Variants in FRMPD4 observed in about 807,000 individuals in gnomAD.
FRMPD4 encodes FERM and PDZ domain containing 4, also known as FERM and PDZ domain-containing protein 4.
A neutral mutation model predicts 94.1 loss-of-function variants in FRMPD4; 22 were observed. The observed-to-expected ratio is 0.23, with a 90% CI of 0.17 to 0.33. FRMPD4 has a LOEUF of 0.33. FRMPD4 is among the 10% of genes least tolerant of loss of function. The pLI is 1.00. For synonymous variants in FRMPD4, 631 were observed against 548.6 expected (o/e 1.15, Z -2.10); for missense variants, 1,111 against 1,339.9 (o/e 0.83, Z 2.67).
intron 3 of FRMPD4, among the ~76,000 whole-genome samples, chrX:12,084,254 T>C (rs1179496664): frequency 1.8e-5 from 2 of 109,077 alleles, no homozygotes; most frequent in Non-Finnish European, 3.8e-5. Flanking sequence ...TCTCACAAGA[T>C]CTGATGGGTT....
intron 1 of FRMPD4, among the ~76,000 whole-genome samples, chrX:12,299,057 A>C (rs1452314398): frequency 8.9e-6 from 1 of 112,319 alleles, no homozygotes; most frequent in Non-Finnish European, 1.9e-5. Flanking sequence ...CAGAAGACTC[A>C]GTACAGTCTT....
At chrX:12,510,154 G>T (rs1232606509) in intron 2 of FRMPD4, among the ~76,000 whole-genome samples, 1 of 111,684 alleles carries the variant, frequency 9.0e-6, no homozygotes, top group African/African-American at 3.3e-5. Flanking sequence ...ATAATTTGTT[G>T]GTTTATGTAC....
Position 12,311,453 on chromosome X carries a change from T to G in FRMPD4, c.41+172441T>G, listed in dbSNP as rs753568875. On this transcript the variant is annotated intron_variant, in intron 1 of 16. Coordinates refer to ENST00000675598, the MANE Select transcript of FRMPD4 (RefSeq NM_001368397.1). ...TTTGCTTGATACGGTCAGTGTTGGT[T>G]TGGAGTTACCCAAATATATTTTGTA... 4.5e-5 allele frequency among the ~76,000 whole-genome samples: 5 copies of G among 112,237 alleles called. No homozygotes were observed. The East Asian group carries it at 1.4e-3, about 31-fold the overall frequency.
At chrX:12,576,111 A>C (rs1000881441) in intron 2 of FRMPD4, among the ~76,000 whole-genome samples, 3 of 111,825 alleles carry the variant, frequency 2.7e-5, no homozygotes, top group Non-Finnish European at 5.6e-5. Context: ...CCAAAATCTC[A>C]TCCGATGGAT....
chrX:12,552,793 G>A (rs1314033706), intron 2 of FRMPD4, among the ~76,000 whole-genome samples: 1 of 112,350 alleles, frequency 8.9e-6, no homozygotes, highest in Admixed American at 9.4e-5. Flanking sequence ...AGGTAATATT[G>A]TATTTTTAAT....
At position 12,193,838 on chromosome X, in the gene FRMPD4, G is replaced by GGAAGAAAAGA. The variant is rs1478269492; in HGVS notation, c.41+54826_41+54827insGAAGAAAAGA. Among the ~76,000 whole-genome samples the GGAAGAAAAGA allele has an allele frequency of 7.9e-3, 473 of 59,828 alleles. 57 individuals carry two copies. The highest frequency in any genetic ancestry group is 0.054 in the East Asian group (54 of 1,000). 52.0% of individuals were successfully genotyped at this position (59,828 alleles called of 115,157 possible). On this transcript the variant is annotated intron_variant, in intron 1 of 16. Transcript: ENST00000675598. ...AGGAAGGAAGGAAGGAGGGAAGGAA[G>GGAAGAAAAGA]AAAGAAAAGAAAGAAAAAGGAAGGA...
intron 1 of FRMPD4, among the ~76,000 whole-genome samples, chrX:12,334,564 C>T (rs1356714462): frequency 2.7e-5 from 3 of 110,196 alleles, no homozygotes; most frequent in Non-Finnish European, 5.7e-5. Flanking sequence ...TCTCTCTGTT[C>T]CTCTGCATAA....
chrX:12,473,792 T>G (rs1463953592), intron 1 of FRMPD4, among the ~76,000 whole-genome samples: 17 of 103,768 alleles, frequency 1.6e-4, no homozygotes, highest in African/African-American at 5.9e-4. Flanking sequence ...GCACCCAATA[T>G]AGGAGCACCC....
intron 1 of FRMPD4, among the ~76,000 whole-genome samples, chrX:12,360,348 G>C (rs1033838859): frequency 8.9e-6 from 1 of 111,814 alleles, no homozygotes; most frequent in Non-Finnish European, 1.9e-5. Flanking sequence ...CCCACTTAGT[G>C]AGTTGAGCTT....
chrX:12,161,950 G>T (rs962840715), intron 1 of FRMPD4, among the ~76,000 whole-genome samples: 1 of 111,495 alleles, frequency 9.0e-6, no homozygotes, highest in African/African-American at 3.3e-5. Context: ...GTCCCAAGTA[G>T]CCCTGTTTTT....
chrX:11,889,708 A>T (rs1409517920), intron 3 of FRMPD4, among the ~76,000 whole-genome samples: 3 of 112,168 alleles, frequency 2.7e-5, no homozygotes, highest in Non-Finnish European at 5.6e-5. Context: ...GCATGAAATC[A>T]TAGCAGGGGT....
intron 3 of FRMPD4, among the ~76,000 whole-genome samples, chrX:12,004,830 G>A (rs1234369856): frequency 9.1e-6 from 1 of 109,901 alleles, no homozygotes; most frequent in Non-Finnish European, 1.9e-5. Flanking sequence ...CATCCTTGGA[G>A]CAGGAACCAC....
intron 3 of FRMPD4, among the ~76,000 whole-genome samples, chrX:12,131,159 T>C (rs887821072): frequency 8.9e-6 from 1 of 111,954 alleles, no homozygotes; most frequent in Non-Finnish European, 1.9e-5. Context: ...AGTGACCTAA[T>C]AAGGCCCAGG....
intron 1 of FRMPD4, among the ~76,000 whole-genome samples, chrX:12,179,961 G>A (rs1440888098): frequency 9.3e-6 from 1 of 108,056 alleles, no homozygotes; most frequent in Admixed American, 1.0e-4. Flanking sequence ...GCCATTAACT[G>A]TCATGGATAA....
intron 1 of FRMPD4, among the ~76,000 whole-genome samples, chrX:12,161,268 C>G (rs759149231): frequency 7.2e-5 from 8 of 111,415 alleles, no homozygotes; most frequent in Non-Finnish European, 1.3e-4. Flanking sequence ...AAGCCATTCT[C>G]CCGCCTCAGC....
At chrX:12,286,149 A>G (rs1208682697) in intron 1 of FRMPD4, among the ~76,000 whole-genome samples, 1 of 112,262 alleles carries the variant, frequency 8.9e-6, no homozygotes, top group Admixed American at 9.4e-5. Flanking sequence ...CTAAATGTGA[A>G]AATAAAGAAA....
At chrX:12,145,671 G>T (rs2055754438) in intron 1 of FRMPD4, among the ~76,000 whole-genome samples, 1 of 112,823 alleles carries the variant, frequency 8.9e-6, no homozygotes, top group Admixed American at 9.3e-5. Flanking sequence ...CTGCTCTTGG[G>T]AGAGTTGGAT....
chrX:12,233,137 A>C (rs1478638812), intron 1 of FRMPD4, among the ~76,000 whole-genome samples: 1 of 111,967 alleles, frequency 8.9e-6, no homozygotes, highest in African/African-American at 3.2e-5. Context: ...CTGGGTGAAG[A>C]TCGTTTTAAA....
At chrX:12,579,537 G>T (rs775367069) in intron 2 of FRMPD4, among the ~76,000 whole-genome samples, 1 of 112,100 alleles carries the variant, frequency 8.9e-6, no homozygotes, top group Non-Finnish European at 1.9e-5. Flanking sequence ...TGCAGGGATC[G>T]TGAGTCAGGG....
Sources: allele counts gnomAD v4.1 joint callset (sites outside exome capture counted in the v4.1 genomes callset), GRCh38; gene constraint gnomAD v4.1.1; transcripts MANE v1.5; gene names NCBI Gene and HGNC (gene_info 2026-07-23, HGNC 2026-07-21).